PTPRE: variants seen among roughly 807,000 people sequenced by gnomAD.
The protein encoded by PTPRE is protein tyrosine phosphatase receptor type E, also known as receptor-type tyrosine-protein phosphatase epsilon.
A neutral mutation model predicts 102.0 loss-of-function variants in PTPRE; 51 were observed. The observed-to-expected ratio is 0.50, with a 90% CI of 0.40 to 0.63. The LOEUF (loss-of-function observed/expected upper bound fraction) is 0.63, where lower values mean the gene tolerates loss of function less well. PTPRE is among the 30% of genes least tolerant of loss of function. The pLI is 0.00. For synonymous variants in PTPRE, 345 were observed against 348.2 expected (o/e 0.99, Z 0.10); for missense variants, 752 against 915.1 (o/e 0.82, Z 2.30).
At chr10:128,049,131 G>A (rs755301701) in intron 5 of PTPRE, among the ~76,000 whole-genome samples, 2 of 150,904 alleles carry the variant, frequency 1.3e-5, no homozygotes, top group South Asian at 2.1e-4. Context: ...CCCAGAAGCC[G>A]TAATTACTCT....
At chr10:128,067,232 G>C (rs1850265588) in intron 11 of PTPRE, among the ~76,000 whole-genome samples, 1 of 95,604 alleles carries the variant, frequency 1.0e-5, no homozygotes, top group East Asian at 4.1e-4. Context: ...GCACACACAT[G>C]CACACACGCA....
intron 1 of PTPRE, among the ~76,000 whole-genome samples, chr10:127,931,464 C>T (rs537381782): frequency 1.9e-4 from 29 of 152,298 alleles, no homozygotes; most frequent in Non-Finnish European, 3.2e-4. Flanking sequence ...GCTCAAAGTC[C>T]GCCTCAAGGC....
chr10:127,992,021 G>A (rs1012870264), intron 2 of PTPRE, among the ~76,000 whole-genome samples: 4 of 152,174 alleles, frequency 2.6e-5, no homozygotes, highest in Non-Finnish European at 5.9e-5. Context: ...CGGGTGAGCA[G>A]CTGAAGCTCC....
intron 1 of PTPRE, among the ~76,000 whole-genome samples, chr10:127,969,067 G>T (rs1424896071): frequency 1.3e-5 from 2 of 152,200 alleles, no homozygotes; most frequent in Non-Finnish European, 2.9e-5. Flanking sequence ...AAAAGATGGA[G>T]AATTCCCCTT....
chr10:128,077,562 TG>T (rs1396489466), intron 18 of PTPRE, 54 bp from the exon 19 acceptor site: 12 of 1,556,458 alleles, frequency 7.7e-6, no homozygotes, highest in Non-Finnish European at 1.0e-5. Context: ...CAGATGGGGC[TG>T]GGGCCTGTTC....
At chr10:128,039,058 T>G (rs1847458113) in intron 2 of PTPRE, among the ~76,000 whole-genome samples, 1 of 152,154 alleles carries the variant, frequency 6.6e-6, no homozygotes, top group African/African-American at 2.4e-5. Context: ...GATAAGAAAA[T>G]GTTTCAACTA....
At chr10:127,949,575 C>T (rs1032667582) in intron 1 of PTPRE, among the ~76,000 whole-genome samples, 1 of 152,154 alleles carries the variant, frequency 6.6e-6, no homozygotes, top group African/African-American at 2.4e-5. Flanking sequence ...ATACCTGATA[C>T]GTTTGAACAT....
chr10:127,999,646 TAAAAC>T (rs1392631729), intron 2 of PTPRE: 17 of 984,452 alleles, frequency 1.7e-5, no homozygotes, highest in Non-Finnish European at 1.8e-5. Flanking sequence ...ATTATGAACT[TAAAAC>T]AAATTCACTC....
At chr10:127,996,946 A>G (rs935516267) in intron 2 of PTPRE, among the ~76,000 whole-genome samples, 1 of 152,208 alleles carries the variant, frequency 6.6e-6, no homozygotes, top group African/African-American at 2.4e-5. Flanking sequence ...GCCTCAAACC[A>G]GGCCAATCTT....
chr10:127,921,833 G>T (rs1283767327), intron 1 of PTPRE, among the ~76,000 whole-genome samples: 6 of 152,204 alleles, frequency 3.9e-5, no homozygotes, highest in African/African-American at 1.4e-4. Flanking sequence ...CCAGAATGAG[G>T]TCAGGACTTT....
At chr10:128,041,035 A>C in intron 3 of PTPRE, 45 bp downstream of exon 3, 1 of 1,524,094 alleles carries the variant, frequency 6.6e-7, no homozygotes, top group Non-Finnish European at 9.1e-7. Context: ...ACCTCCTCCT[A>C]AGCTCCTGGG....
intron 20 of PTPRE, among the ~76,000 whole-genome samples, chr10:128,081,089 G>A (rs1162005011): frequency 2.6e-5 from 4 of 152,078 alleles, no homozygotes; most frequent in Admixed American, 1.3e-4. Context: ...GATTCCAGAA[G>A]GGAAAGGCTT....
intron 1 of PTPRE, among the ~76,000 whole-genome samples, chr10:127,946,061 A>G (rs1848597936): frequency 6.6e-6 from 1 of 152,024 alleles, no homozygotes; most frequent in Non-Finnish European, 1.5e-5. Flanking sequence ...TAGATCCAGG[A>G]GGAGCACAGC....
At chr10:127,921,789 C>T (rs1431022456) in intron 1 of PTPRE, among the ~76,000 whole-genome samples, 1 of 152,150 alleles carries the variant, frequency 6.6e-6, no homozygotes, top group African/African-American at 2.4e-5. Context: ...CAAGTGTGGC[C>T]AGGGTGGAGA....
chr10:127,953,188 G>C (rs1386726418), intron 1 of PTPRE, among the ~76,000 whole-genome samples: 1 of 152,234 alleles, frequency 6.6e-6, no homozygotes, highest in East Asian at 1.9e-4. Context: ...ATAGATCCAG[G>C]CTGCTGGGCA....
At chr10:127,983,331 A>G (rs140528701) in intron 2 of PTPRE, among the ~76,000 whole-genome samples, 66 of 152,242 alleles carry the variant, frequency 4.3e-4, no homozygotes, top group Non-Finnish European at 7.4e-4. Context: ...GCCACCTACC[A>G]AGTTAATTTT....
chr10:128,022,223 G>A (rs1002232263), intron 2 of PTPRE, among the ~76,000 whole-genome samples: 5 of 152,090 alleles, frequency 3.3e-5, no homozygotes, highest in African/African-American at 9.7e-5. Context: ...CTCCTGAGTC[G>A]GCAGCACTGA....
chr10:127,984,193 T>G (rs571177270), intron 2 of PTPRE, among the ~76,000 whole-genome samples: 5 of 151,354 alleles, frequency 3.3e-5, no homozygotes, highest in Admixed American at 3.3e-4. Context: ...GCGATTCTCC[T>G]GCCTCAGCCT....
chr10:127,917,149 C>T (rs1009784954), intron 1 of PTPRE, among the ~76,000 whole-genome samples: 2 of 151,586 alleles, frequency 1.3e-5, no homozygotes, highest in African/African-American at 2.4e-5. Flanking sequence ...CCGCAGTTTT[C>T]GGCCAGGGTG....
Sources: gnomAD v4.1 joint callset for allele counts (sites outside exome capture counted in the v4.1 genomes callset) on GRCh38, gnomAD v4.1.1 for gene constraint, MANE v1.5 for transcripts, NCBI Gene and HGNC (gene_info 2026-07-23, HGNC 2026-07-21) for gene names.